Variants in DMD observed in about 807,000 individuals in gnomAD.
DMD encodes the protein dystrophin.
In DMD, 63 loss-of-function variants were observed where a neutral mutation model predicts 330.1. The observed-to-expected ratio is 0.19, with a 90% CI of 0.16 to 0.24. The LOEUF (loss-of-function observed/expected upper bound fraction) is 0.24. Among genes scored for constraint, DMD ranks in the 10% least tolerant of loss-of-function variants. DMD has a pLI of 1.00. For synonymous variants in DMD, 1,223 were observed against 959.8 expected (o/e 1.27, Z -5.07); for missense variants, 3,344 against 2,684.1 (o/e 1.25, Z -5.43).
At chrX:33,287,230 T>A (rs2053446597) in intron 1 of DMD, among the ~76,000 whole-genome samples, 1 of 111,411 alleles carries the variant, frequency 9.0e-6, no homozygotes, top group African/African-American at 3.3e-5. Context: ...GAGATATGGA[T>A]CTAATTAATA....
intron 1 of DMD, among the ~76,000 whole-genome samples, chrX:33,179,998 G>A (rs2049903056): frequency 9.1e-6 from 1 of 109,549 alleles, no homozygotes; most frequent in Non-Finnish European, 1.9e-5. Context: ...CACCACGCCT[G>A]GCTAATTTTG....
chrX:33,202,415 T>C (rs1237669759), intron 1 of DMD, among the ~76,000 whole-genome samples: 1 of 111,701 alleles, frequency 9.0e-6, no homozygotes, highest in Non-Finnish European at 1.9e-5. Context: ...TGATTATGTT[T>C]CCCCACCTTC....
At chrX:31,826,217 T>C (rs1297449589) in intron 49 of DMD, among the ~76,000 whole-genome samples, 2 of 111,701 alleles carry the variant, frequency 1.8e-5, no homozygotes, top group Non-Finnish European at 3.8e-5. Context: ...AAATGAGGGG[T>C]TACTATAATC....
At chrX:33,335,802 A>G (rs901039294) in intron 1 of DMD, among the ~76,000 whole-genome samples, 2 of 111,161 alleles carry the variant, frequency 1.8e-5, no homozygotes, top group African/African-American at 6.5e-5. Flanking sequence ...TTCCTGGTTT[A>G]CTGTGATTCA....
chrX:32,855,315 G>C (rs754362922), intron 2 of DMD, among the ~76,000 whole-genome samples: 1 of 111,861 alleles, frequency 8.9e-6, no homozygotes, highest in Non-Finnish European at 1.9e-5. Context: ...ACAAGTCCTA[G>C]CTAGATCAAA....
chrX:31,207,827 G>A (rs773271466), intron 65 of DMD, among the ~76,000 whole-genome samples: 8 of 110,561 alleles, frequency 7.2e-5, no homozygotes, highest in Non-Finnish European at 1.1e-4. Flanking sequence ...ATCAGACCTT[G>A]GCGATGACCT....
At chrX:32,731,846 G>C (rs1049019144) in intron 7 of DMD, among the ~76,000 whole-genome samples, 4 of 111,928 alleles carry the variant, frequency 3.6e-5, no homozygotes, top group Non-Finnish European at 5.6e-5. Context: ...ACTCTAAAAA[G>C]CAGAGCACCT....
intron 60 of DMD, among the ~76,000 whole-genome samples, chrX:31,380,944 C>T (rs1284069772): frequency 9.0e-6 from 1 of 110,925 alleles, no homozygotes; most frequent in Non-Finnish European, 1.9e-5. Context: ...GCATAATTCT[C>T]ATAAAAACAC....
At chrX:32,227,532 G>A (rs1026519427) in intron 43 of DMD, among the ~76,000 whole-genome samples, 2 of 106,871 alleles carry the variant, frequency 1.9e-5, no homozygotes, top group African/African-American at 6.8e-5. Flanking sequence ...ACAGAGTGTG[G>A]AATAATAGAC....
At chrX:33,271,663 G>A (rs1366544211) in intron 1 of DMD, among the ~76,000 whole-genome samples, 1 of 105,960 alleles carries the variant, frequency 9.4e-6, no homozygotes, top group Non-Finnish European at 1.9e-5. Context: ...CTACTTGGGA[G>A]GCTGAGGCAG....
intron 1 of DMD, chrX:33,128,061 A>G (rs1295225210): frequency 8.5e-7 from 1 of 1,171,656 alleles, no homozygotes; most frequent in East Asian, 3.1e-5. Context: ...CAAAAGAGTC[A>G]CCTTTAGGGA....
chrX:31,867,457 A>C lies in DMD; in HGVS notation c.7098+7731T>G, dbSNP rs185506867. Among the ~76,000 whole-genome samples, 791 of 111,474 alleles carry C rather than the reference A, an allele frequency of 7.1e-3. 5 individuals carry two copies. Among genetic ancestry groups the C allele is most frequent in the African/African-American group, 0.025 (758 of 30,773 alleles). On this transcript the variant is annotated intron_variant, in intron 48 of 78. Coordinates refer to ENST00000357033, the MANE Select transcript of DMD (RefSeq NM_004006.3). Reference sequence around the variant, plus strand: ...GAGCAATGATCCTATTCAGCCAAGTATTCAAACCTTTTGTCATTTTACAAC... The same window carrying C: ...GAGCAATGATCCTATTCAGCCAAGTCTTCAAACCTTTTGTCATTTTACAAC...
intron 29 of DMD, among the ~76,000 whole-genome samples, chrX:32,413,087 C>G (rs753202008): frequency 3.9e-4 from 43 of 110,615 alleles, no homozygotes; most frequent in African/African-American, 1.3e-3. Context: ...AAGATTTTAT[C>G]CTGGGCTTTC....
At chrX:32,975,801 C>T (rs1021823273) in intron 2 of DMD, among the ~76,000 whole-genome samples, 11 of 111,484 alleles carry the variant, frequency 9.9e-5, no homozygotes, top group Admixed American at 6.7e-4. Flanking sequence ...GCAAGAAGAT[C>T]AAAGGGGCCT....
chrX:33,020,878 A>G (rs2093901256), intron 1 of DMD, among the ~76,000 whole-genome samples: 2 of 110,464 alleles, frequency 1.8e-5, no homozygotes, highest in Non-Finnish European at 3.8e-5. Flanking sequence ...CATCCACCCA[A>G]CCATGGAGAA....
intron 7 of DMD, among the ~76,000 whole-genome samples, chrX:32,781,680 C>T (rs1253917260): frequency 1.8e-5 from 2 of 110,297 alleles, no homozygotes; most frequent in South Asian, 3.9e-4. Context: ...ATACTACATT[C>T]GTCTTATTCC....
chrX:32,277,074 G>A (rs1452975296), intron 43 of DMD, among the ~76,000 whole-genome samples: 4 of 111,748 alleles, frequency 3.6e-5, no homozygotes, highest in Admixed American at 2.8e-4. Flanking sequence ...ACACAGACTG[G>A]AAATAAAGGG....
chrX:32,345,687 A>T (rs577718174), intron 39 of DMD, among the ~76,000 whole-genome samples: 3 of 110,630 alleles, frequency 2.7e-5, no homozygotes, highest in African/African-American at 9.8e-5. Context: ...TTAAATGTAT[A>T]AGTACTATGA....
At chrX:31,706,478 G>A (rs1219377903) in intron 52 of DMD, among the ~76,000 whole-genome samples, 2 of 110,999 alleles carry the variant, frequency 1.8e-5, no homozygotes, top group Non-Finnish European at 3.8e-5. Context: ...TCCAAATCCT[G>A]CCATCTTTTT....
Sources: allele counts gnomAD v4.1 joint callset (sites outside exome capture counted in the v4.1 genomes callset), GRCh38; gene constraint gnomAD v4.1.1; transcripts MANE v1.5; gene names NCBI Gene and HGNC (gene_info 2026-07-23, HGNC 2026-07-21).